GATB: variants seen among roughly 807,000 people sequenced by gnomAD.
GATB encodes the protein glutamyl-tRNA amidotransferase subunit B.
GATB carries 39 observed loss-of-function variants against 62.3 expected under a neutral mutation model. The observed-to-expected ratio is 0.63, with a 90% CI of 0.48 to 0.82. GATB has a LOEUF of 0.82. Ranked by LOEUF, GATB falls within the 40% of genes least tolerant of loss-of-function variation. The pLI, the probability that GATB is intolerant of heterozygous loss-of-function variation, is 0.00. For synonymous variants in GATB, 276 were observed against 258.9 expected (o/e 1.07, Z -0.63); for missense variants, 670 against 684.0 (o/e 0.98, Z 0.23).
At chr4:151,672,700 G>A in intron 12 of GATB, 62 bp downstream of exon 12, 7 of 1,558,882 alleles carry the variant, frequency 4.5e-6, no homozygotes, top group Non-Finnish European at 6.1e-6. Context: ...GGGAGCGATG[G>A]CGAGGCTCTT....
intron 2 of GATB, among the ~76,000 whole-genome samples, chr4:151,742,638 C>A (rs143767088): frequency 9.4e-4 from 143 of 152,280 alleles, no homozygotes; most frequent in African/African-American, 3.3e-3. Flanking sequence ...TGTACTAACT[C>A]TGTGGTCCAG....
In GATB at chr4:151,760,985, T is replaced by C; in HGVS notation, c.-3A>G. Reference sequence around the variant, plus strand: ...CAGCGCAGCATGGGCGCCGCCATTGTAACTCCAGGGTCTTGGTCAGGTGAC... The same window carrying C: ...CAGCGCAGCATGGGCGCCGCCATTGCAACTCCAGGGTCTTGGTCAGGTGAC... On this transcript the variant is annotated 5_prime_UTR_variant, in exon 1 of 13. Coordinates refer to ENST00000263985, the MANE Select transcript of GATB (RefSeq NM_004564.3). 6.2e-7 allele frequency: 1 copy of C among 1,609,850 alleles called. No homozygotes were observed. The highest frequency in any genetic ancestry group is 8.5e-7 in the Non-Finnish European group (1 of 1,178,522).
intron 5 of GATB, among the ~76,000 whole-genome samples, chr4:151,711,350 A>G (rs1370544023): frequency 6.6e-6 from 1 of 152,182 alleles, no homozygotes; most frequent in South Asian, 2.1e-4. Flanking sequence ...CTGGGTTGAG[A>G]GCTAAACTTC....
chr4:151,741,633 G>A (rs933653199), intron 2 of GATB, among the ~76,000 whole-genome samples: 2 of 152,216 alleles, frequency 1.3e-5, no homozygotes, highest in Non-Finnish European at 2.9e-5. Context: ...GAGTCAGGGA[G>A]ATGCTCTGCA....
intron 2 of GATB, among the ~76,000 whole-genome samples, chr4:151,732,714 TA>T (rs371222321): frequency 0.17 from 11,150 of 66,378 alleles, 396 homozygotes; most frequent in Middle Eastern, 0.24. Context: ...GAATGATCAA[TA>T]AAAAAAAAAA....
intron 5 of GATB, among the ~76,000 whole-genome samples, chr4:151,713,278 C>T (rs116809869): frequency 0.013 from 1,912 of 152,244 alleles, 39 homozygotes; most frequent in African/African-American, 0.043. Context: ...ATAAAGCAGA[C>T]GATCAATGTA....
At chr4:151,755,989 T>G (rs902366997) in intron 2 of GATB, among the ~76,000 whole-genome samples, 3 of 152,120 alleles carry the variant, frequency 2.0e-5, no homozygotes, top group Non-Finnish European at 4.4e-5. Context: ...GGTAAAAAGA[T>G]TACTCAGGGG....
rs557594884 is a variant in GATB at position 151,754,179 on chromosome 4, A to G, written c.327+4593T>C. ...GGATCCACACCCTTTATCAGGGCTTATATGGTACAGGCTATGCTTTCTGCT... is the reference window on the plus strand; with the variant it reads ...GGATCCACACCCTTTATCAGGGCTTGTATGGTACAGGCTATGCTTTCTGCT... On this transcript the variant is annotated intron_variant, in intron 2 of 12. Transcript: ENST00000263985. Among the ~76,000 whole-genome samples the G allele has an allele frequency of 2.0e-5, 3 of 152,260 alleles. No individual in the cohort carries two copies. The South Asian group carries it at 6.2e-4, about 32-fold the overall frequency.
intron 2 of GATB, chr4:151,721,531 C>T (rs1479724231): frequency 2.0e-5 from 3 of 152,232 alleles, no homozygotes; most frequent in South Asian, 2.1e-4. Flanking sequence ...TGGAGAATCC[C>T]GCCAAATCCA....
At chr4:151,697,965 A>ATATATATATATATATATATG (rs1738516144) in intron 9 of GATB, among the ~76,000 whole-genome samples, 2 of 109,050 alleles carry the variant, frequency 1.8e-5, no homozygotes, top group African/African-American at 5.0e-5. Flanking sequence ...ATATATATAT[A>ATATATATATATATATATATG]TATATATATA....
chr4:151,672,398 G>A (rs1330293164), intron 12 of GATB, among the ~76,000 whole-genome samples: 1 of 152,130 alleles, frequency 6.6e-6, no homozygotes, highest in African/African-American at 2.4e-5. Flanking sequence ...TTACTGGGAG[G>A]TCCTTAGGAA....
rs1488645960 is a variant in GATB at position 151,671,299 on chromosome 4, T to G, written c.1549A>C (p.Met517Leu). ...CTGGGGTTTCTGTTCTTCACATCCA[T>G]TACCTAGAAGGACAGAAATTACTTA... ...SVMEAHPQVV[M>L]DVKNRNPRAI... The change falls in exon 13 of 13, where the codon ATG becomes CTG. Residue 517 changes from methionine (M) to leucine (L), a missense_variant. Coordinates refer to ENST00000263985, the MANE Select transcript of GATB (RefSeq NM_004564.3). The G allele has an allele frequency of 1.9e-6, 3 of 1,588,784 alleles. No individual in the cohort carries two copies. Among genetic ancestry groups the G allele is most frequent in the Non-Finnish European group, 2.6e-6 (3 of 1,174,650 alleles).
chr4:151,673,597 T>C (rs1292326776), intron 11 of GATB: 3 of 151,788 alleles, frequency 2.0e-5, no homozygotes, highest in East Asian at 1.9e-4. Flanking sequence ...CAGACTAGGA[T>C]AATGAACGCT....
chr4:151,742,153 A>AT (rs1286258471), intron 2 of GATB, among the ~76,000 whole-genome samples: 1 of 147,396 alleles, frequency 6.8e-6, no homozygotes, highest in African/African-American at 2.5e-5. Context: ...CAGTGGCGCT[A>AT]TCTCGGCTCA....
chr4:151,713,333 A>C (rs985682530), intron 5 of GATB, among the ~76,000 whole-genome samples: 7 of 152,218 alleles, frequency 4.6e-5, no homozygotes, highest in African/African-American at 1.7e-4. Flanking sequence ...CGGCCCCCCA[A>C]GTCCACAGAA....
chr4:151,693,326 G>A (rs545711532), intron 9 of GATB, among the ~76,000 whole-genome samples: 1 of 152,296 alleles, frequency 6.6e-6, no homozygotes, highest in South Asian at 2.1e-4. Context: ...GCGGTGGCTT[G>A]GGTGGGTTCA....
chr4:151,744,204 G>A (rs1429286159), intron 2 of GATB, among the ~76,000 whole-genome samples: 1 of 152,130 alleles, frequency 6.6e-6, no homozygotes, highest in Non-Finnish European at 1.5e-5. Flanking sequence ...TAGCTAAAGG[G>A]TTTTAGACAG....
chr4:151,759,271 T>C (rs1016902152), intron 1 of GATB, among the ~76,000 whole-genome samples: 2 of 152,202 alleles, frequency 1.3e-5, no homozygotes, highest in African/African-American at 4.8e-5. Context: ...AAAAGCGGCA[T>C]TTAACAAATT....
intron 2 of GATB, among the ~76,000 whole-genome samples, chr4:151,757,634 G>T (rs772163254): frequency 2.0e-5 from 3 of 151,944 alleles, no homozygotes; most frequent in African/African-American, 7.2e-5. Flanking sequence ...CACCATGCCC[G>T]GCTAATTTTT....
Sources: allele counts gnomAD v4.1 joint callset (sites outside exome capture counted in the v4.1 genomes callset), GRCh38; gene constraint gnomAD v4.1.1; transcripts MANE v1.5; gene names NCBI Gene and HGNC (gene_info 2026-07-23, HGNC 2026-07-21).